NAV2: variants seen among roughly 807,000 people sequenced by gnomAD.
NAV2 encodes helicase, APC down-regulated 1.
A neutral mutation model predicts 223.2 loss-of-function variants in NAV2; 54 were observed. The ratio of observed to expected loss-of-function variants is 0.24; its 90% CI spans 0.19 to 0.30. The LOEUF (loss-of-function observed/expected upper bound fraction) is 0.30, where lower values mean the gene tolerates loss of function less well. Among genes scored for constraint, NAV2 ranks in the 10% least tolerant of loss-of-function variants. NAV2 has a pLI of 1.00. For missense variants in NAV2, 2,806 were observed against 3,147.5 expected, an observed-to-expected ratio of 0.89 and a Z score of 2.60; for synonymous variants, 1,279 against 1,239.3, an observed-to-expected ratio of 1.03 and a Z score of -0.67.
intron 1 of NAV2, among the ~76,000 whole-genome samples, chr11:19,413,227 T>C (rs1294760982): frequency 6.6e-6 from 1 of 151,982 alleles, no homozygotes. Flanking sequence ...TTAGAAAGCA[T>C]AAATGACCTG....
At chr11:19,737,633 T>G (rs927480451) in intron 1 of NAV2, among the ~76,000 whole-genome samples, 1 of 152,238 alleles carries the variant, frequency 6.6e-6, no homozygotes, top group East Asian at 1.9e-4. Flanking sequence ...CATTTATTTA[T>G]ACTCTGAGCT....
At chr11:20,034,247 A>ATACT (rs10643744) in intron 11 of NAV2, among the ~76,000 whole-genome samples, 150,138 of 152,194 alleles carry the variant, frequency 0.99, 74,084 homozygotes, top group East Asian at 1. Flanking sequence ...AAAAACAATA[A>ATACT]TACCCTTTTC....
intron 20 of NAV2, 41 bp downstream of exon 20, chr11:20,062,400 C>T: frequency 6.7e-7 from 1 of 1,483,028 alleles, no homozygotes; most frequent in Admixed American, 1.9e-5. Context: ...ATCATGAGAA[C>T]TGGGGTTCCT....
intron 6 of NAV2, among the ~76,000 whole-genome samples, chr11:19,910,387 G>A (rs371484646): frequency 2.9e-4 from 44 of 152,314 alleles, no homozygotes; most frequent in African/African-American, 9.4e-4. Flanking sequence ...GGCAGTCAGA[G>A]TCATGGAAAT....
At chr11:19,648,680 C>T (rs2047883669) in intron 1 of NAV2, among the ~76,000 whole-genome samples, 2 of 152,238 alleles carry the variant, frequency 1.3e-5, no homozygotes, top group South Asian at 2.1e-4. Flanking sequence ...AGATCACAGG[C>T]GTGGACTTTT....
At chr11:19,790,389 G>T (rs565860568) in intron 1 of NAV2, among the ~76,000 whole-genome samples, 3 of 152,302 alleles carry the variant, frequency 2.0e-5, no homozygotes, top group South Asian at 2.1e-4. Context: ...CTGACTTCCA[G>T]CCCAGGGCAT....
intron 1 of NAV2, among the ~76,000 whole-genome samples, chr11:19,620,264 A>C (rs2135408196): frequency 6.6e-6 from 1 of 152,260 alleles, no homozygotes; most frequent in African/African-American, 2.4e-5. Flanking sequence ...GTTCCATATG[A>C]ACTTTAAAGT....
chr11:20,048,003 C>A (rs756907548), intron 14 of NAV2, among the ~76,000 whole-genome samples: 13 of 152,136 alleles, frequency 8.5e-5, no homozygotes, highest in Non-Finnish European at 1.8e-4. Context: ...TCTGATGGCA[C>A]ATTTTTGGCC....
intron 1 of NAV2, among the ~76,000 whole-genome samples, chr11:19,646,613 C>A (rs1199150438): frequency 1.3e-5 from 2 of 152,004 alleles, no homozygotes; most frequent in South Asian, 2.1e-4. Flanking sequence ...GGGGAGCTTC[C>A]CAGGGTGTGG....
At chr11:20,116,404 C>G (rs1378659938) in intron 37 of NAV2, among the ~76,000 whole-genome samples, 3 of 152,128 alleles carry the variant, frequency 2.0e-5, no homozygotes, top group African/African-American at 4.8e-5. Context: ...CATGTACAAC[C>G]TAGTTTGCAA....
intron 1 of NAV2, among the ~76,000 whole-genome samples, chr11:19,739,711 T>C (rs945861618): frequency 6.6e-6 from 1 of 152,106 alleles, no homozygotes; most frequent in Non-Finnish European, 1.5e-5. Flanking sequence ...GGAATTTGAG[T>C]TTATAATCCC....
chr11:19,465,423 A>G (rs1024384776), intron 1 of NAV2, among the ~76,000 whole-genome samples: 9 of 152,284 alleles, frequency 5.9e-5, no homozygotes, highest in African/African-American at 1.7e-4. Flanking sequence ...TTAAATAACC[A>G]TTATCATCCC....
intron 35 of NAV2, among the ~76,000 whole-genome samples, chr11:20,106,232 C>G: frequency 1.4e-5 from 1 of 70,548 alleles, no homozygotes; most frequent in African/African-American, 5.9e-5. Context: ...TATATATATG[C>G]TTTATGAAGT....
chr11:20,004,342 T>G (rs758141159), intron 11 of NAV2, among the ~76,000 whole-genome samples: 20 of 152,224 alleles, frequency 1.3e-4, no homozygotes, highest in Non-Finnish European at 2.1e-4. Flanking sequence ...AATCCACACC[T>G]TTTTTGTGCT....
At chr11:19,366,900 T>A (rs554569684) in intron 1 of NAV2, among the ~76,000 whole-genome samples, 1 of 152,288 alleles carries the variant, frequency 6.6e-6, no homozygotes, top group Admixed American at 6.5e-5. Flanking sequence ...CTAGCTGCAG[T>A]TTAGGAGATG....
chr11:20,084,314 T>C (rs1052693078), intron 26 of NAV2, among the ~76,000 whole-genome samples: 1 of 152,172 alleles, frequency 6.6e-6, no homozygotes, highest in African/African-American at 2.4e-5. Context: ...GTCAATCTGG[T>C]CTCGAACTCC....
rs1376517930 is a variant in NAV2, at chr11:19,803,393, T to C, written c.268-29091T>C. On this transcript the variant is annotated intron_variant, in intron 1 of 37. Coordinates refer to ENST00000349880, the MANE Select transcript of NAV2 (RefSeq NM_145117.5). Reference sequence around the variant, plus strand: ...AACGCCTCACACTGCAGAGGTTACCTTGGGGGCCAAGAAAGCATTTGGCAG... The same window carrying C: ...AACGCCTCACACTGCAGAGGTTACCCTGGGGGCCAAGAAAGCATTTGGCAG... Among the ~76,000 whole-genome samples the C allele has an allele frequency of 3.3e-5, 5 of 152,208 alleles. No homozygotes were observed. The East Asian group carries it at 7.7e-4, about 23-fold the overall frequency.
chr11:19,354,956 T>C (rs751223975), intron 1 of NAV2, among the ~76,000 whole-genome samples: 15 of 152,210 alleles, frequency 9.9e-5, no homozygotes, highest in Admixed American at 2.0e-4. Context: ...ATGGTAGCTC[T>C]CTATGCATCC....
At chr11:20,055,410 A>T (rs1414039164) in intron 18 of NAV2, among the ~76,000 whole-genome samples, 1 of 152,136 alleles carries the variant, frequency 6.6e-6, no homozygotes, top group African/African-American at 2.4e-5. Flanking sequence ...AATGCTTCCC[A>T]TCTGATCAAA....
Sources: allele counts gnomAD v4.1 joint callset (sites outside exome capture counted in the v4.1 genomes callset), GRCh38; gene constraint gnomAD v4.1.1; transcripts MANE v1.5; gene names NCBI Gene and HGNC (gene_info 2026-07-23, HGNC 2026-07-21).